Variants in SLC44A3 observed in about 807,000 individuals in gnomAD.
The protein encoded by SLC44A3 is solute carrier family 44 member 3.
SLC44A3 carries 74 observed loss-of-function variants against 75.4 expected under a neutral mutation model. That is an observed-to-expected ratio of 0.98 (90% CI 0.81 to 1.19). SLC44A3 has a LOEUF of 1.19. SLC44A3 is among the 50% of genes most tolerant of loss of function. The pLI is 0.00. For synonymous variants in SLC44A3, 310 were observed against 296.9 expected, an observed-to-expected ratio of 1.04 and a Z score of -0.45; for missense variants, 700 against 778.6, an observed-to-expected ratio of 0.90 and a Z score of 1.20.
In SLC44A3 at chr1:94,856,877, C is replaced by A. The variant is rs143095548; in HGVS notation, c.1073-458C>A. On this transcript the variant is annotated intron_variant, in intron 9 of 14. Transcript: ENST00000271227. ...TTCCGAATAGCTGGAACTACAGGTG[C>A]CTGCGACCATGCTTGGCTAATTTTT... 6.6e-5 allele frequency among the ~76,000 whole-genome samples: 10 copies of A among 152,228 alleles called. No homozygotes were observed. In the East Asian group the frequency reaches 1.9e-3, roughly 29 times the overall value.
intron 10 of SLC44A3, among the ~76,000 whole-genome samples, chr1:94,859,396 C>T (rs1416280376): frequency 6.9e-6 from 1 of 144,524 alleles, no homozygotes; most frequent in Non-Finnish European, 1.5e-5. Flanking sequence ...TAAGAAACAC[C>T]AACCAAATGG....
chr1:94,827,070 C>G (rs1661463938), intron 3 of SLC44A3, among the ~76,000 whole-genome samples: 1 of 152,166 alleles, frequency 6.6e-6, no homozygotes, highest in South Asian at 2.1e-4. Context: ...AGCCTTGGCC[C>G]CCTCCTTTCC....
intron 11 of SLC44A3, among the ~76,000 whole-genome samples, chr1:94,865,693 C>T (rs903670674): frequency 3.3e-5 from 5 of 152,184 alleles, no homozygotes; most frequent in African/African-American, 1.2e-4. Context: ...CAATGTTAAT[C>T]TCTTCCCCCG....
At chr1:94,882,713 C>T (rs1407627803) in intron 12 of SLC44A3, among the ~76,000 whole-genome samples, 1 of 151,922 alleles carries the variant, frequency 6.6e-6, no homozygotes, top group East Asian at 1.9e-4. Context: ...GGATCAAGTC[C>T]AGCAAGATGC....
intron 1 of SLC44A3, 121 bp downstream of exon 1, chr1:94,820,599 C>G (rs1660417026): frequency 1.4e-6 from 2 of 1,384,206 alleles, no homozygotes; most frequent in Non-Finnish European, 9.4e-7. Context: ...GATCCCGCCC[C>G]CGCTTAGTAC....
intron 9 of SLC44A3, among the ~76,000 whole-genome samples, chr1:94,846,902 C>A (rs531324673): frequency 2.0e-5 from 3 of 152,344 alleles, no homozygotes; most frequent in African/African-American, 7.2e-5. Flanking sequence ...TAAACTCAGT[C>A]CCCTTCCTTC....
chr1:94,835,064 G>A (rs902696074), intron 5 of SLC44A3, among the ~76,000 whole-genome samples: 1 of 152,172 alleles, frequency 6.6e-6, no homozygotes, highest in Non-Finnish European at 1.5e-5. Flanking sequence ...GAAAACATGA[G>A]AGAAATTCTA....
intron 8 of SLC44A3, among the ~76,000 whole-genome samples, 180 bp downstream of exon 8, chr1:94,842,304 G>A (rs1397625796): frequency 2.6e-5 from 4 of 152,178 alleles, no homozygotes; most frequent in Non-Finnish European, 5.9e-5. Flanking sequence ...AAGAAAAAAA[G>A]GTTTTAGTTC....
At chr1:94,887,008 A>G (rs6661181) in intron 12 of SLC44A3, among the ~76,000 whole-genome samples, 9,038 of 151,942 alleles carry the variant, frequency 0.059, 366 homozygotes, top group African/African-American at 0.1. Flanking sequence ...GCCGAATGCC[A>G]CTACCTCCTG....
chr1:94,873,209 G>A (rs1667951897), intron 12 of SLC44A3, among the ~76,000 whole-genome samples: 1 of 152,218 alleles, frequency 6.6e-6, no homozygotes, highest in Non-Finnish European at 1.5e-5. Flanking sequence ...ATAGCTGCGA[G>A]CCTGATGGAT....
In SLC44A3 at chr1:94,873,479, T is replaced by C. The variant is rs79992456; in HGVS notation, c.1482+6062T>C. Among the ~76,000 whole-genome samples, 959 of 152,264 alleles carry C rather than the reference T, an allele frequency of 6.3e-3. 7 individuals carry two copies. The highest frequency in any genetic ancestry group is 8.9e-3 in the Non-Finnish European group (602 of 68,016). ...GAAAAACCTGCTGCTTCTGGGGAAA[T>C]ATACACCTCTCTCCCCTTCTTACCT... On this transcript the variant is annotated intron_variant, in intron 12 of 14. Coordinates refer to ENST00000271227, the MANE Select transcript of SLC44A3 (RefSeq NM_001114106.3).
At chr1:94,827,674 C>G in intron 4 of SLC44A3, 31 bp downstream of exon 4, 1 of 1,611,268 alleles carries the variant, frequency 6.2e-7, no homozygotes. Context: ...TGTTCTTTTC[C>G]CCATGATGGG....
intron 12 of SLC44A3, among the ~76,000 whole-genome samples, chr1:94,875,125 C>T (rs1215301427): frequency 6.6e-6 from 1 of 152,144 alleles, no homozygotes; most frequent in South Asian, 2.1e-4. Flanking sequence ...ACAGGTGGAT[C>T]GCAAAAGAGA....
intron 12 of SLC44A3, among the ~76,000 whole-genome samples, chr1:94,890,273 T>C (rs567522426): frequency 1.6e-4 from 25 of 152,330 alleles, no homozygotes; most frequent in African/African-American, 4.3e-4. Flanking sequence ...CATACCTCTC[T>C]AAATACTTTT....
chr1:94,883,195 C>A (rs1433040551), intron 12 of SLC44A3, among the ~76,000 whole-genome samples: 1 of 151,808 alleles, frequency 6.6e-6, no homozygotes, highest in Non-Finnish European at 1.5e-5. Flanking sequence ...GTGCTGGATA[C>A]ACCTCATTAA....
chr1:94,894,433 G>C (rs115757052), intron 14 of SLC44A3, among the ~76,000 whole-genome samples: 1,645 of 152,276 alleles, frequency 0.011, 25 homozygotes, highest in African/African-American at 0.038. Flanking sequence ...TTATATAGCA[G>C]AAACAAAGAC....
At chr1:94,894,710 A>G (rs1236915446) in intron 14 of SLC44A3, 108 bp from the exon 15 acceptor site, 5 of 844,868 alleles carry the variant, frequency 5.9e-6, no homozygotes, top group African/African-American at 3.4e-5. Context: ...TTGTAAGTTA[A>G]TTCTTCAGCA....
At chr1:94,828,233 A>G (rs1429107048) in intron 4 of SLC44A3, among the ~76,000 whole-genome samples, 1 of 152,238 alleles carries the variant, frequency 6.6e-6, no homozygotes, top group Non-Finnish European at 1.5e-5. Context: ...AAGCTTCTAC[A>G]AGAAATTGTT....
At chr1:94,884,489 G>A (rs1475841460) in intron 12 of SLC44A3, among the ~76,000 whole-genome samples, 1 of 152,182 alleles carries the variant, frequency 6.6e-6, no homozygotes, top group Non-Finnish European at 1.5e-5. Flanking sequence ...TCTGAGGAAA[G>A]TATGAATGCC....
Sources: allele counts gnomAD v4.1 joint callset (sites outside exome capture counted in the v4.1 genomes callset), GRCh38; gene constraint gnomAD v4.1.1; transcripts MANE v1.5; gene names NCBI Gene and HGNC (gene_info 2026-07-23, HGNC 2026-07-21).